CLOCK: variants seen among roughly 807,000 people sequenced by gnomAD.
CLOCK encodes clock circadian regulator, also known as circadian locomoter output cycles protein kaput.
Under a neutral mutation model 118.4 loss-of-function variants are expected in CLOCK, and 43 were observed. The ratio of observed to expected loss-of-function variants is 0.36; its 90% CI spans 0.28 to 0.47. CLOCK has a LOEUF of 0.47. CLOCK is among the 20% of genes least tolerant of loss of function. The probability of loss-of-function intolerance (pLI) is 1.00; values close to 1 mark genes in which losing one functional copy is unlikely to be tolerated. For missense variants in CLOCK, 846 were observed against 999.9 expected (o/e 0.85, Z 2.08); for synonymous variants, 326 against 339.2 (o/e 0.96, Z 0.43).
chr4:55,435,174 G>A lies in CLOCK; in HGVS notation c.*241C>T. 1 of 529,506 alleles carries A rather than the reference G, an allele frequency of 1.9e-6. No individual in the cohort carries two copies. Among genetic ancestry groups the A allele is most frequent in the Non-Finnish European group, 3.4e-6 (1 of 292,290 alleles). 32.8% of individuals were successfully genotyped at this position (529,506 alleles called of 1,614,324 possible). A position where few individuals can be genotyped will look rare whatever the true frequency, so the allele number is the denominator to read the frequency against. ...TTCTTTTTCCATCAAAAAATATCCAGGCACCTAAAACACTGTCAGAACTGG... is the reference window on the plus strand; with the variant it reads ...TTCTTTTTCCATCAAAAAATATCCAAGCACCTAAAACACTGTCAGAACTGG... On this transcript the variant is annotated 3_prime_UTR_variant, in exon 23 of 23. Transcript: ENST00000513440.
At chr4:55,539,040 G>A (rs1429300449) in intron 1 of CLOCK, among the ~76,000 whole-genome samples, 3 of 151,890 alleles carry the variant, frequency 2.0e-5, no homozygotes, top group South Asian at 2.1e-4. Flanking sequence ...GGAGACCTGC[G>A]TGGCCAACAT....
At chr4:55,545,790 G>A (rs1245350523) in intron 1 of CLOCK, 2 of 152,310 alleles carry the variant, frequency 1.3e-5, no homozygotes, top group Non-Finnish European at 1.5e-5. Flanking sequence ...GCCAACTCCA[G>A]AAAACCCAGC....
At position 55,430,367 on chromosome 4, in the gene CLOCK, C is replaced by G. The variant is rs1307014571; in HGVS notation, c.*5048G>C. On this transcript the variant is annotated 3_prime_UTR_variant, in exon 23 of 23. Transcript: ENST00000513440. ...TGCAGAGTATTTTATTTAAGAAAAA[C>G]AAGGAATGTAGTGTTATGACATAGG... is the stretch of plus-strand genomic sequence containing the variant. 6.6e-6 allele frequency: 1 copy of G among 151,972 alleles called. No individual in the cohort carries two copies. Among genetic ancestry groups the G allele is most frequent in the African/African-American group, 2.4e-5 (1 of 41,356 alleles). The allele number at this position is 151,972 out of a possible 1,614,324, so 9.4% of individuals were successfully genotyped here.
At chr4:55,530,122 A>C (rs1333261107) in intron 1 of CLOCK, among the ~76,000 whole-genome samples, 2 of 152,208 alleles carry the variant, frequency 1.3e-5, no homozygotes, top group Non-Finnish European at 2.9e-5. Flanking sequence ...TTGCATTTCA[A>C]CTGAAAGGAC....
Position 55,435,280 on chromosome 4 carries a change from A to T in CLOCK, c.*135T>A. ...TAGGCAGCATTTTCTCTGCCAACTA[A>T]TTCCAGGAACTAGAACACTCAATAC... On this transcript the variant is annotated 3_prime_UTR_variant, in exon 23 of 23. Transcript: ENST00000513440. The T allele has an allele frequency of 9.5e-7, 1 of 1,053,756 alleles. No individual in the cohort carries two copies. The allele number at this position is 1,053,756 out of a possible 1,614,324, so 65.3% of individuals were successfully genotyped here.
At chr4:55,447,270 G>A (rs1488090827) in intron 18 of CLOCK, among the ~76,000 whole-genome samples, 1 of 152,088 alleles carries the variant, frequency 6.6e-6, no homozygotes, top group Non-Finnish European at 1.5e-5. Flanking sequence ...GGGAGACTGA[G>A]GCGGGATCGC....
At position 55,503,986 on chromosome 4, in the gene CLOCK, A is replaced by G. The variant is rs145176169; in HGVS notation, c.-136+5926T>C. ...TATTTGGCAAAAAGAGGTAAAAAAA[A>G]AAAAAAAAAAAAAAAAAGCCGGGCA... On this transcript the variant is annotated intron_variant, in intron 2 of 22. Transcript: ENST00000513440. 3.2e-3 allele frequency among the ~76,000 whole-genome samples: 451 copies of G among 142,028 alleles called. 11 individuals carry two copies. Among genetic ancestry groups the G allele is most frequent in the Non-Finnish European group, 5.4e-3 (359 of 66,096 alleles). 93.2% of individuals were successfully genotyped at this position (142,028 alleles called of 152,430 possible). A position where few individuals can be genotyped will look rare whatever the true frequency, so the allele number is the denominator to read the frequency against.
chr4:55,476,099 G>C, intron 6 of CLOCK, 45 bp from the exon 7 acceptor site: 3 of 1,282,230 alleles, frequency 2.3e-6, no homozygotes, highest in Non-Finnish European at 3.4e-6. Flanking sequence ...AACCACCGGA[G>C]GAGTACAAAA....
rs183845363 is a variant in CLOCK, at chr4:55,527,590, A to G, written c.-289-17525T>C. 5.1e-4 allele frequency among the ~76,000 whole-genome samples: 77 copies of G among 152,282 alleles called. 1 individual carries two copies. Among genetic ancestry groups the G allele is most frequent in the Admixed American group, 5.0e-3 (77 of 15,282 alleles). On this transcript the variant is annotated intron_variant, in intron 1 of 22. Transcript: ENST00000513440. The stretch of plus-strand genomic sequence containing the variant: ...AATAAAATAAAAATTTTAAAAGACT[A>G]AAAAAACATAACTGGGAGGTATGTA...
chr4:55,519,417 C>T (rs981556020), intron 1 of CLOCK, among the ~76,000 whole-genome samples: 1 of 152,132 alleles, frequency 6.6e-6, no homozygotes, highest in South Asian at 2.1e-4. Context: ...TAATTCTCTT[C>T]TTGGGATGTG....
intron 1 of CLOCK, among the ~76,000 whole-genome samples, chr4:55,519,613 T>C (rs1268856746): frequency 1.3e-5 from 2 of 150,416 alleles, no homozygotes; most frequent in Admixed American, 6.7e-5. Flanking sequence ...ATGGTGAAAA[T>C]ACAAAAATAC....
At chr4:55,448,609 T>C (rs879330550) in intron 18 of CLOCK, among the ~76,000 whole-genome samples, 170 bp downstream of exon 18, 1,654 of 61,562 alleles carry the variant, frequency 0.027, 19 homozygotes, top group Middle Eastern at 0.077. Flanking sequence ...CGCGTGTGTG[T>C]GTGTGTGTGT....
intron 15 of CLOCK, among the ~76,000 whole-genome samples, chr4:55,451,448 C>A (rs921559768): frequency 6.6e-6 from 1 of 152,102 alleles, no homozygotes; most frequent in African/African-American, 2.4e-5. Context: ...TTGGAGTGCT[C>A]CAAGACACAC....
intron 14 of CLOCK, 136 bp from the exon 15 acceptor site, chr4:55,453,265 A>C: frequency 2.8e-6 from 2 of 713,086 alleles, no homozygotes; most frequent in Admixed American, 2.3e-5. Context: ...CAAACCTAAA[A>C]TATACCTATA....
chr4:55,455,257 G>A (rs1724836575), intron 13 of CLOCK, among the ~76,000 whole-genome samples: 1 of 152,148 alleles, frequency 6.6e-6, no homozygotes, highest in Admixed American at 6.5e-5. Context: ...GATAAAAAGA[G>A]TAGGCCTAGG....
chr4:55,462,414 G>A (rs563141696), intron 9 of CLOCK, among the ~76,000 whole-genome samples: 44 of 152,248 alleles, frequency 2.9e-4, no homozygotes, highest in Admixed American at 1.2e-3. Flanking sequence ...AGTCTCCCAA[G>A]TAGCTGGGAC....
At position 55,435,466 on chromosome 4, in the gene CLOCK, G is replaced by C; in HGVS notation, c.2490C>G (p.Ser830Arg). ...CGGGCAAGCTGTCAGTCCTGTGCCG[G>C]CTGAGTTGCTGCTGTTGCTGAGACT... ...QHQSQQQQQL[S>R]RHRTDSLPDP... is the part of the protein sequence containing the mutation. The change falls in exon 23 of 23, where the codon AGC (serine) becomes AGG (arginine). Residue 830 changes from serine (S) to arginine (R), a missense_variant. Ser to Arg is a moderately radical substitution (Grantham distance 110). This residue lies in a region of CLOCK where 520 missense variants were observed against 558.0 expected (regional missense o/e 0.93). Transcript: ENST00000513440. 6.2e-7 allele frequency: 1 copy of C among 1,614,044 alleles called. No individual in the cohort carries two copies. The highest frequency in any genetic ancestry group is 1.1e-5 in the South Asian group (1 of 91,086).
chr4:55,534,282 A>G (rs1730744421), intron 1 of CLOCK, among the ~76,000 whole-genome samples: 1 of 152,170 alleles, frequency 6.6e-6, no homozygotes, highest in South Asian at 2.1e-4. Flanking sequence ...AATGTGAGAG[A>G]ACATTTCCAA....
intron 1 of CLOCK, chr4:55,546,526 G>A (rs1731648226): frequency 6.7e-6 from 1 of 149,462 alleles, no homozygotes; most frequent in South Asian, 2.2e-4. Context: ...CCCCACCCAG[G>A]TCTCCCGCTG....
Sources: gnomAD v4.1 joint callset for allele counts (sites outside exome capture counted in the v4.1 genomes callset) on GRCh38, gnomAD v4.1.1 for gene constraint, gnomAD v4.1.1 regional missense constraint, MANE v1.5 for transcripts, NCBI Gene and HGNC (gene_info 2026-07-23, HGNC 2026-07-21) for gene names.